ISL2: variants seen among roughly 807,000 people sequenced by gnomAD.
The protein encoded by ISL2 is insulin gene enhancer protein ISL-2.
Under a neutral mutation model 34.6 loss-of-function variants are expected in ISL2, and 17 were observed. That is an observed-to-expected ratio of 0.49 (90% CI 0.34 to 0.74). The LOEUF (loss-of-function observed/expected upper bound fraction) is 0.74, where lower values mean the gene tolerates loss of function less well. ISL2 is among the 30% of genes least tolerant of loss of function. The pLI is 0.01. For synonymous variants in ISL2, 232 were observed against 225.5 expected (o/e 1.03, Z -0.26); for missense variants, 469 against 515.2 (o/e 0.91, Z 0.87).
chr15:76,339,644 G>C (rs911185126), intron 3 of ISL2: 1 of 985,540 alleles, frequency 1.0e-6, no homozygotes, highest in Non-Finnish European at 1.2e-6. Context: ...GGGGAACCTG[G>C]AGCCTTGAGG....
Position 76,338,248 on chromosome 15 carries a change from G to C in ISL2, c.249-4G>C. ...GCTGACACCGCCGCACCTTGGGCCCGCAGGCTGTTCGGCATCAAGTGCGCC... is the reference window on the plus strand; with the variant it reads ...GCTGACACCGCCGCACCTTGGGCCCCCAGGCTGTTCGGCATCAAGTGCGCC... On this transcript the variant is annotated splice_polypyrimidine_tract_variant and splice_region_variant and intron_variant, in intron 2 of 5. Transcript: ENST00000290759. 1 of 1,553,956 alleles carries C rather than the reference G, an allele frequency of 6.4e-7. No homozygotes were observed. The highest frequency in any genetic ancestry group is 8.7e-7 in the Non-Finnish European group (1 of 1,155,918).
At chr15:76,339,734 G>A (rs1348325346) in intron 3 of ISL2, 1 of 986,502 alleles carries the variant, frequency 1.0e-6, no homozygotes, top group African/African-American at 1.7e-5. Context: ...AACCGTGGAT[G>A]AGTCTTCTAC....
At position 76,337,961 on chromosome 15, in the gene ISL2, A is replaced by G. The variant is rs1398830572; in HGVS notation, c.242A>G (p.Tyr81Cys). ...RDGKTYCKRD[Y>C]VRLFGIKCAK... ...GGGAAGACCTACTGCAAGCGGGACT[A>G]TGTCAGGTGAGGCCGGCGGGAACGC... The change falls in exon 2 of 6, where the codon TAT (tyrosine) becomes TGT (cysteine). Residue 81 changes from tyrosine (Y) to cysteine (C), a missense_variant. This residue lies in a region of ISL2 where 297 missense variants were observed against 337.8 expected (regional missense o/e 0.88). Coordinates refer to ENST00000290759, the MANE Select transcript of ISL2 (RefSeq NM_145805.3). 5 of 1,587,592 alleles carry G rather than the reference A, an allele frequency of 3.1e-6. No homozygotes were observed. The highest frequency in any genetic ancestry group is 4.3e-6 in the Non-Finnish European group (5 of 1,166,458).
chr15:76,339,591 C>T, intron 3 of ISL2: 1 of 985,564 alleles, frequency 1.0e-6, no homozygotes, highest in Non-Finnish European at 1.2e-6. Context: ...AGGAGAGTGC[C>T]AGCGGCTGCT....
Position 76,342,101 on chromosome 15 carries a change from C to T in ISL2, c.*266C>T, listed in dbSNP as rs1324736351. On this transcript the variant is annotated 3_prime_UTR_variant, in exon 6 of 6. Transcript: ENST00000290759. ...TTACCAGGGTTAGCTCTGCCCTCTC[C>T]TCTCCTCTCTACGTGGCCGCCGCTC... The T allele has an allele frequency of 5.9e-6, 2 of 341,330 alleles. No homozygotes were observed. Among genetic ancestry groups the T allele is most frequent in the African/African-American group, 4.2e-5 (2 of 47,282 alleles). The allele number at this position is 341,330 out of a possible 1,614,324, so 21.1% of individuals were successfully genotyped here. A position where few individuals can be genotyped will look rare whatever the true frequency, so the allele number is the denominator to read the frequency against.
At position 76,340,508 on chromosome 15, in the gene ISL2, G is replaced by A; in HGVS notation, c.744G>A (p.Lys248=). Reference sequence around the variant, plus strand: ...AGAACAAGCGCTGCAAGGACAAGAAGAAATCCATTCTCATGAAGCAGCTGC... The same window carrying A: ...AGAACAAGCGCTGCAAGGACAAGAAAAAATCCATTCTCATGAAGCAGCTGC... ...WFQNKRCKDK[K]KSILMKQLQQ... The change falls in exon 4 of 6, where the codon AAG becomes AAA. Residue 248 remains lysine (K), a synonymous_variant. Coordinates refer to ENST00000290759, the MANE Select transcript of ISL2 (RefSeq NM_145805.3). 2.5e-6 allele frequency: 4 copies of A among 1,613,502 alleles called. No individual in the cohort carries two copies. The highest frequency in any genetic ancestry group is 2.5e-6 in the Non-Finnish European group (3 of 1,179,880).
chr15:76,339,670 G>A, intron 3 of ISL2: 1 of 985,756 alleles, frequency 1.0e-6, no homozygotes, highest in Non-Finnish European at 1.2e-6. Context: ...GACAGGGGCC[G>A]AAGCCCAAGG....
intron 1 of ISL2, chr15:76,337,371 T>TCGATAGGA (rs2040158594): frequency 1.3e-5 from 4 of 314,802 alleles, no homozygotes; most frequent in Non-Finnish European, 2.3e-5. Context: ...GTGTCTGTGT[T>TCGATAGGA]GGGATAGGAG....
At chr15:76,341,015 C>T in intron 4 of ISL2, 119 bp from the exon 5 acceptor site, 8 of 989,958 alleles carry the variant, frequency 8.1e-6, no homozygotes, top group South Asian at 1.8e-5. Flanking sequence ...ATCGAGTGTG[C>T]GCCTCCCCGC....
At chr15:76,340,866 C>T (rs1465509239) in intron 4 of ISL2, among the ~76,000 whole-genome samples, 2 of 152,238 alleles carry the variant, frequency 1.3e-5, no homozygotes, top group Non-Finnish European at 1.5e-5. Flanking sequence ...TGCACTCCGT[C>T]GGCAGCTGCA....
At chr15:76,337,088 C>T in intron 1 of ISL2, 147 bp downstream of exon 1, 1 of 702,546 alleles carries the variant, frequency 1.4e-6, no homozygotes. Flanking sequence ...TGCATGTCTC[C>T]TGCAGGACTG....
intron 2 of ISL2, 106 bp downstream of exon 2, chr15:76,338,073 C>T: frequency 7.6e-7 from 1 of 1,311,554 alleles, no homozygotes; most frequent in Non-Finnish European, 1.0e-6. Context: ...GGGAGAAGGC[C>T]ATCCGCATCC....
In ISL2 at chr15:76,341,171, G is replaced by C. The variant is rs756219578; in HGVS notation, c.833G>C (p.Gly278Ala). 1.2e-6 allele frequency: 2 copies of C among 1,611,938 alleles called. No individual in the cohort carries two copies. Among genetic ancestry groups the C allele is most frequent in the East Asian group, 4.5e-5 (2 of 44,874 alleles). The change falls in exon 5 of 6, where the codon GGC becomes GCC. Residue 278 changes from glycine (G) to alanine (A), a missense_variant. This residue lies in a region of ISL2 where 169 missense variants were observed against 154.2 expected (regional missense o/e 1.10). Coordinates refer to ENST00000290759, the MANE Select transcript of ISL2 (RefSeq NM_145805.3). ...CTGACTGGGACGCCCCTGGTGGCGG[G>C]CAGTCCCATCCGCCATGAGAACGCC... ...QGLTGTPLVA[G>A]SPIRHENAVQ...
Position 76,338,285 on chromosome 15 carries a change from G to A in ISL2, c.282G>A (p.Val94=). ...GCATCAAGTGCGCCAAGTGCCAGGT[G>A]GGCTTCAGCAGCAGCGACCTGGTGA... The part of the protein sequence containing the change: ...LFGIKCAKCQ[V]GFSSSDLVMR... Residue 94 remains valine, a synonymous_variant, in exon 3 of 6, where the codon GTG becomes GTA. Coordinates refer to ENST00000290759, the MANE Select transcript of ISL2 (RefSeq NM_145805.3). The A allele has an allele frequency of 6.3e-7, 1 of 1,583,554 alleles. No individual in the cohort carries two copies. Among genetic ancestry groups the A allele is most frequent in the Non-Finnish European group, 8.5e-7 (1 of 1,170,198 alleles).
chr15:76,339,923 G>A lies in ISL2; in HGVS notation c.512-353G>A, dbSNP rs1020505111. Reference sequence around the variant, plus strand: ...CTCTTTCCTCTTCCTCTGAAACTCCGACTTCTTCCGGAGGGCTTCGCTCGT... The same window carrying A: ...CTCTTTCCTCTTCCTCTGAAACTCCAACTTCTTCCGGAGGGCTTCGCTCGT... On this transcript the variant is annotated intron_variant, in intron 3 of 5. Transcript: ENST00000290759. The A allele has an allele frequency of 1.3e-5, 14 of 1,085,770 alleles. No homozygotes were observed. The African/African-American group carries it at 1.5e-4, about 12-fold the overall frequency. The allele number at this position is 1,085,770 out of a possible 1,614,324, so 67.3% of individuals were successfully genotyped here. A position where few individuals can be genotyped will look rare whatever the true frequency, so the allele number is the denominator to read the frequency against.
Position 76,340,469 on chromosome 15 carries a change from C to T in ISL2, c.705C>T (p.Ile235=). 1 of 1,613,852 alleles carries T rather than the reference C, an allele frequency of 6.2e-7. No homozygotes were observed. Among genetic ancestry groups the T allele is most frequent in the Non-Finnish European group, 8.5e-7 (1 of 1,180,008 alleles). The change falls in exon 4 of 6, where the codon ATC becomes ATT. Residue 235 remains isoleucine, a synonymous_variant. Coordinates refer to ENST00000290759, the MANE Select transcript of ISL2 (RefSeq NM_145805.3). The stretch of plus-strand genomic sequence containing the variant: ...TGACCGGCCTGAGCCCGCGGGTCAT[C>T]CGCGTCTGGTTCCAGAACAAGCGCT... The part of the protein sequence containing the change: ...VEMTGLSPRV[I]RVWFQNKRCK...
chr15:76,340,578 G>C lies in ISL2; in HGVS notation c.795+19G>C, dbSNP rs770419799. 2 of 1,592,082 alleles carry C rather than the reference G, an allele frequency of 1.3e-6. No homozygotes were observed. Among genetic ancestry groups the C allele is most frequent in the Non-Finnish European group, 1.7e-6 (2 of 1,166,528 alleles). The stretch of plus-strand genomic sequence containing the variant: ...CAAGACGGTGAGCAGCCGCTGGGCC[G>C]GAGGCTCGAGTCGGGTGGGGGCTGC... On this transcript the variant is annotated intron_variant, in intron 4 of 5. Coordinates refer to ENST00000290759, the MANE Select transcript of ISL2 (RefSeq NM_145805.3).
intron 2 of ISL2, 38 bp downstream of exon 2, chr15:76,338,005 C>T: frequency 6.6e-7 from 1 of 1,517,538 alleles, no homozygotes; most frequent in African/African-American, 1.4e-5. Flanking sequence ...CCACCGCGCG[C>T]AGGGGCCGGG....
At position 76,338,505 on chromosome 15, in the gene ISL2, C is replaced by T; in HGVS notation, c.502C>T (p.His168Tyr). 7.6e-7 allele frequency: 1 copy of T among 1,310,372 alleles called. No individual in the cohort carries two copies. The highest frequency in any genetic ancestry group is 3.0e-5 in the East Asian group (1 of 33,736). 81.2% of individuals were successfully genotyped at this position (1,310,372 alleles called of 1,614,324 possible). A position where few individuals can be genotyped will look rare whatever the true frequency, so the allele number is the denominator to read the frequency against. Reference protein sequence around the residue: ...PGPLPGARGLHLPDAGSGRQP... With the variant: ...PGPLPGARGLYLPDAGSGRQP... ...CCCGCTTCCCGGCGCCCGCGGCCTG[C>T]ATCTGCCCGGTAAGCGCGCCGGGGC... The change falls in exon 3 of 6, where the codon CAT becomes TAT. Residue 168 changes from histidine (H) to tyrosine (Y), a missense_variant. Transcript: ENST00000290759.
Sources: allele counts gnomAD v4.1 joint callset (sites outside exome capture counted in the v4.1 genomes callset), GRCh38; gene constraint gnomAD v4.1.1; regional missense constraint gnomAD v4.1.1; transcripts MANE v1.5; gene names NCBI Gene and HGNC (gene_info 2026-07-23, HGNC 2026-07-21).